The following HSD17B3 variants were observed in gnomAD, a reference collection of about 807,000 sequenced individuals.
The protein encoded by HSD17B3 is hydroxysteroid 17-beta dehydrogenase 3.
In HSD17B3, 29 loss-of-function variants were observed where a neutral mutation model predicts 41.1. That is an observed-to-expected ratio of 0.71 (90% CI 0.53 to 0.96). The LOEUF is 0.96. HSD17B3 is among the 40% of genes least tolerant of loss of function. The pLI is 0.00. For missense variants in HSD17B3, 323 were observed against 374.6 expected (o/e 0.86, Z 1.14); for synonymous variants, 126 against 145.6 (o/e 0.87, Z 0.97).
Position 96,262,347 on chromosome 9 carries a change from C to T in HSD17B3, c.202-7404G>A, listed in dbSNP as rs531487110. 9.2e-5 allele frequency among the ~76,000 whole-genome samples: 13 copies of T among 141,306 alleles called. 1 individual carries two copies. In the South Asian group the frequency reaches 2.6e-3, roughly 28 times the overall value. 92.7% of individuals were successfully genotyped at this position (141,306 alleles called of 152,430 possible). On this transcript the variant is annotated intron_variant, in intron 2 of 10. Transcript: ENST00000375263. The stretch of plus-strand genomic sequence containing the variant: ...CAAACTCCGCCTCCCCAGGTTCAAG[C>T]AGTTCTCTGCCTCAGCCTCCCTAGT...
In HSD17B3 at chr9:96,242,005, G is replaced by GAGAA. The variant is rs1554692387; in HGVS notation, c.673-1102_673-1099dup. ...AGAAAGAAAGAAAGAAAGAAAGAAA[G>GAGAA]AGAAAGAAAAGAAAGAAAAGAAAAA... On this transcript the variant is annotated intron_variant, in intron 9 of 10. Coordinates refer to ENST00000375263, the MANE Select transcript of HSD17B3 (RefSeq NM_000197.2). Among the ~76,000 whole-genome samples the GAGAA allele has an allele frequency of 1.8e-3, 121 of 68,536 alleles. 1 individual carries two copies. Among genetic ancestry groups the GAGAA allele is most frequent in the African/African-American group, 6.9e-3 (117 of 17,058 alleles). The allele number at this position is 68,536 out of a possible 152,430, so 45.0% of individuals were successfully genotyped here.
intron 1 of HSD17B3, among the ~76,000 whole-genome samples, chr9:96,300,087 C>T (rs1469351675): frequency 6.6e-6 from 1 of 151,404 alleles, no homozygotes; most frequent in Non-Finnish European, 1.5e-5. Flanking sequence ...CAGAGTGCTA[C>T]GTCCACCCAC....
chr9:96,290,777 T>G lies in HSD17B3; in HGVS notation c.201+7639A>C, dbSNP rs191898128. On this transcript the variant is annotated intron_variant, in intron 2 of 10. Coordinates refer to ENST00000375263, the MANE Select transcript of HSD17B3 (RefSeq NM_000197.2). ...TGAAACCAGAAGGCAAAGTTTGCAG[T>G]AAGCCGAGATCGCGCCACTGCACTC... Among the ~76,000 whole-genome samples the G allele has an allele frequency of 2.4e-3, 358 of 151,562 alleles. 2 individuals are homozygous for G. The highest frequency in any genetic ancestry group is 8.5e-3 in the African/African-American group (349 of 41,280).
At chr9:96,278,515 G>A (rs1276726838) in intron 2 of HSD17B3, among the ~76,000 whole-genome samples, 1 of 152,170 alleles carries the variant, frequency 6.6e-6, no homozygotes, top group African/African-American at 2.4e-5. Context: ...TGAAATGGGT[G>A]TGGGGATGTG....
Position 96,300,242 on chromosome 9 carries a change from A to ACACG in HSD17B3, c.154+1708_154+1709insCGTG, listed in dbSNP as rs1280217088. On this transcript the variant is annotated intron_variant, in intron 1 of 10. Transcript: ENST00000375263. ...CACACACACACACACACACACACAC[A>ACACG]CACACACACACGCACACAGCAAATA... Among the ~76,000 whole-genome samples the ACACG allele has an allele frequency of 4.0e-3, 611 of 151,660 alleles. 7 individuals are homozygous for ACACG. Among genetic ancestry groups the ACACG allele is most frequent in the African/African-American group, 0.014 (590 of 41,278 alleles).
At chr9:96,287,739 T>A (rs527904502) in intron 2 of HSD17B3, among the ~76,000 whole-genome samples, 4 of 150,702 alleles carry the variant, frequency 2.7e-5, no homozygotes, top group South Asian at 4.1e-4. Flanking sequence ...ATAAATAAAA[T>A]TTTTTAAAAA....
intron 2 of HSD17B3, among the ~76,000 whole-genome samples, chr9:96,255,216 T>C (rs1825583761): frequency 6.6e-6 from 1 of 152,072 alleles, no homozygotes; most frequent in Non-Finnish European, 1.5e-5. Flanking sequence ...GCTTTCCTTG[T>C]CCAGGCCCAC....
chr9:96,241,992 A>AGAAAGAAAGAAG (rs1836468783), intron 9 of HSD17B3, among the ~76,000 whole-genome samples: 1 of 149,384 alleles, frequency 6.7e-6, no homozygotes, highest in Non-Finnish European at 1.5e-5. Context: ...AAAGAAAGAA[A>AGAAAGAAAGAAG]GAAAGAAAGA....
At chr9:96,292,460 G>C (rs1823569925) in intron 2 of HSD17B3, among the ~76,000 whole-genome samples, 1 of 152,178 alleles carries the variant, frequency 6.6e-6, no homozygotes, top group African/African-American at 2.4e-5. Context: ...AAGCAGTTCT[G>C]CCTCAGCCTC....
chr9:96,261,001 C>A lies in HSD17B3; in HGVS notation c.202-6058G>T, dbSNP rs534063290. 2.0e-5 allele frequency among the ~76,000 whole-genome samples: 3 copies of A among 152,162 alleles called. No homozygotes were observed. The East Asian group carries it at 5.8e-4, about 29-fold the overall frequency. Reference sequence around the variant, plus strand: ...TCACTGTGCGCTCTTATTTTTTATTCCCCCTCTCCTTTTTTGCCTGAATTA... The same window carrying A: ...TCACTGTGCGCTCTTATTTTTTATTACCCCTCTCCTTTTTTGCCTGAATTA... On this transcript the variant is annotated intron_variant, in intron 2 of 10. Transcript: ENST00000375263.
At chr9:96,297,768 T>C (rs147961119) in intron 2 of HSD17B3, among the ~76,000 whole-genome samples, 3 of 152,304 alleles carry the variant, frequency 2.0e-5, no homozygotes, top group Non-Finnish European at 4.4e-5. Flanking sequence ...ATAAAATACA[T>C]AGGAATTCCA....
chr9:96,282,096 C>G (rs1478208755), intron 2 of HSD17B3, among the ~76,000 whole-genome samples: 1 of 152,154 alleles, frequency 6.6e-6, no homozygotes. Flanking sequence ...GCCCGCTTTT[C>G]AAGATGGCCC....
intron 1 of HSD17B3, among the ~76,000 whole-genome samples, chr9:96,298,836 G>A (rs1324528187): frequency 6.6e-6 from 1 of 152,192 alleles, no homozygotes; most frequent in Non-Finnish European, 1.5e-5. Context: ...AGGGCAGGCA[G>A]TGTTCCCCAT....
chr9:96,253,057 G>A, intron 3 of HSD17B3, 147 bp from the exon 4 acceptor site: 1 of 695,734 alleles, frequency 1.4e-6, no homozygotes, highest in Non-Finnish European at 2.6e-6. Context: ...ATGGTTCTGG[G>A]TAAATGTTGG....
At chr9:96,261,872 G>A (rs1050351948) in intron 2 of HSD17B3, among the ~76,000 whole-genome samples, 1 of 152,206 alleles carries the variant, frequency 6.6e-6, no homozygotes, top group African/African-American at 2.4e-5. Context: ...TCTTCCGATG[G>A]CAGTGATGTC....
At chr9:96,255,590 G>GTGTTGGCCAGGCTGGTCTCCAAC (rs1357996996) in intron 2 of HSD17B3, among the ~76,000 whole-genome samples, 2 of 151,508 alleles carry the variant, frequency 1.3e-5, no homozygotes, top group African/African-American at 2.4e-5. Context: ...GGGTTTCCCC[G>GTGTTGGCCAGGCTGGTCTCCAAC]TGTTGGCCAG....
At chr9:96,280,621 G>A (rs1331141693) in intron 2 of HSD17B3, among the ~76,000 whole-genome samples, 1 of 152,166 alleles carries the variant, frequency 6.6e-6, no homozygotes, top group Non-Finnish European at 1.5e-5. Context: ...CTGTTACCAT[G>A]TCAGAGGTAT....
At chr9:96,239,648 G>T (rs1020603066) in intron 10 of HSD17B3, 1 of 152,328 alleles carries the variant, frequency 6.6e-6, no homozygotes, top group Non-Finnish European at 1.5e-5. Flanking sequence ...TACCATCCAT[G>T]AAAGACAGAG....
chr9:96,278,318 C>T (rs1198327130), intron 2 of HSD17B3, among the ~76,000 whole-genome samples: 2 of 151,970 alleles, frequency 1.3e-5, no homozygotes, highest in South Asian at 4.1e-4. Flanking sequence ...TAGATACGTT[C>T]GTTAACTTGA....
Sources: gnomAD v4.1 joint callset for allele counts (sites outside exome capture counted in the v4.1 genomes callset) on GRCh38, gnomAD v4.1.1 for gene constraint, MANE v1.5 for transcripts, NCBI Gene and HGNC (gene_info 2026-07-23, HGNC 2026-07-21) for gene names.